Variants in CCDC187 observed in about 807,000 individuals in gnomAD.
The protein encoded by CCDC187 is coiled-coil domain-containing protein 187.
CCDC187 carries 32 observed loss-of-function variants against 38.0 expected under a neutral mutation model. That is an observed-to-expected ratio of 0.84 (90% CI 0.64 to 1.13). The LOEUF is 1.13. Among genes scored for constraint, CCDC187 ranks in the 50% most tolerant of loss-of-function variants. The pLI, the probability that CCDC187 is intolerant of heterozygous loss-of-function variation, is 0.00. For missense variants in CCDC187, 707 were observed against 786.8 expected (o/e 0.90, Z 1.21); for synonymous variants, 333 against 347.9 (o/e 0.96, Z 0.48).
upstream of CCDC187, chr9:136,304,177 C>T (rs1267902552): frequency 6.6e-6 from 1 of 152,302 alleles, no homozygotes; most frequent in Non-Finnish European, 1.5e-5. Flanking sequence ...GACAGAGCCT[C>T]TGGCCTTCAG....
rs539967404 is a variant in CCDC187 at position 136,258,610 on chromosome 9, C to G, written c.4366+322G>C. On this transcript the variant is annotated intron_variant, in intron 22 of 25. Coordinates refer to ENST00000638797, the MANE Select transcript of CCDC187 (RefSeq NM_001378188.1). This position sits in a 1 kb window ranked among gnomAD's most constrained non-coding sequence, Gnocchi z 4.3. ...TAATCGGTGCAGAAACCTCCGTCAG[C>G]TGAAGACGCTCAGGCAGTGCTGGCT... is the stretch of plus-strand genomic sequence containing the variant. The G allele has an allele frequency of 1.7e-4, 133 of 783,742 alleles. 1 individual carries two copies. The Middle Eastern group carries it at 3.3e-3, about 19-fold the overall frequency. 48.5% of individuals were successfully genotyped at this position (783,742 alleles called of 1,614,324 possible).
At position 136,252,465 on chromosome 9, in the gene CCDC187, G is replaced by A. The variant is rs1206425478; in HGVS notation, c.*1129C>T. 12 of 194,676 alleles carry A rather than the reference G, an allele frequency of 6.2e-5. 1 individual carries two copies. The Admixed American group carries it at 6.6e-4, about 11-fold the overall frequency. 12.1% of individuals were successfully genotyped at this position (194,676 alleles called of 1,614,324 possible). A position where few individuals can be genotyped will look rare whatever the true frequency, so the allele number is the denominator to read the frequency against. ...GTCCAGGCAACCGTCCCGCACAGCC[G>A]GCCGCCCACCCGGTCCACCCTGGGA... On this transcript the variant is annotated 3_prime_UTR_variant, in exon 26 of 26. Coordinates refer to ENST00000638797, the MANE Select transcript of CCDC187 (RefSeq NM_001378188.1).
intron 14 of CCDC187, 60 bp from the exon 15 acceptor site, chr9:136,268,185 G>A (rs1275301929): frequency 2.1e-6 from 2 of 961,190 alleles, no homozygotes; most frequent in Non-Finnish European, 2.5e-6. Flanking sequence ...CGTGTCAGGG[G>A]CCATTTCTAC....
At chr9:136,285,933 C>T (rs1291020214) in intron 8 of CCDC187, among the ~76,000 whole-genome samples, 152 bp downstream of exon 8, 1 of 152,234 alleles carries the variant, frequency 6.6e-6, no homozygotes, top group Admixed American at 6.5e-5. Context: ...CCCACGTACA[C>T]TATGCTGCTC....
intron 10 of CCDC187, among the ~76,000 whole-genome samples, chr9:136,278,421 C>T (rs1453661852): frequency 2.0e-4 from 31 of 152,298 alleles, no homozygotes; most frequent in Admixed American, 7.2e-4. Flanking sequence ...GAAAGCGAGC[C>T]GTCCCCGAGC....
Position 136,281,615 on chromosome 9 carries a change from T to C in CCDC187, c.2976A>G (p.Gly992=). 1 of 398,338 alleles carries C rather than the reference T, an allele frequency of 2.5e-6. No individual in the cohort carries two copies. Among genetic ancestry groups the C allele is most frequent in the East Asian group, 3.6e-5 (1 of 28,034 alleles). 24.7% of individuals were successfully genotyped at this position (398,338 alleles called of 1,614,324 possible). A position where few individuals can be genotyped will look rare whatever the true frequency, so the allele number is the denominator to read the frequency against. ...ATLHPIWGSL[G]LEETPSVGGA... is the part of the protein sequence containing the mutation. Reference sequence around the variant, plus strand: ...CTCCGACCGACGGCGTCTCCTCCAGTCCCAGGGAGCCCCAGATAGGGTGCA... The same window carrying C: ...CTCCGACCGACGGCGTCTCCTCCAGCCCCAGGGAGCCCCAGATAGGGTGCA... The change falls in exon 10 of 26, where the codon GGA becomes GGG. Residue 992 remains glycine, a synonymous_variant. Transcript: ENST00000638797.
At chr9:136,300,425 T>C in intron 2 of CCDC187, 107 bp from the exon 3 acceptor site, 2 of 385,690 alleles carry the variant, frequency 5.2e-6, no homozygotes, top group Non-Finnish European at 9.2e-6. Context: ...TATTTATTTA[T>C]TTACTTGAGA....
intron 4 of CCDC187, among the ~76,000 whole-genome samples, chr9:136,292,854 T>C (rs1439081196): frequency 6.6e-6 from 1 of 152,194 alleles, no homozygotes; most frequent in Non-Finnish European, 1.5e-5. Flanking sequence ...GCTCCCCGGC[T>C]GGCAGGGCAG....
chr9:136,289,878 C>T (rs1049315987), intron 7 of CCDC187, 81 bp downstream of exon 7: 3 of 394,306 alleles, frequency 7.6e-6, no homozygotes, highest in East Asian at 7.2e-5. Context: ...GTCACGAGGG[C>T]CCCAGAACGC....
At chr9:136,285,971 C>A in intron 8 of CCDC187, 114 bp downstream of exon 8, 1 of 397,558 alleles carries the variant, frequency 2.5e-6, no homozygotes. Flanking sequence ...GTCCTCCTAG[C>A]CCCCTTTCCA....
In CCDC187 at chr9:136,258,474, C is replaced by G. The variant is rs983201973; in HGVS notation, c.4366+458G>C. ...CAGCCGGCGGCTACCAGACGCACCA[C>G]CAGGGTTCCCTGACACTGTGAGTGC... On this transcript the variant is annotated intron_variant, in intron 22 of 25. Transcript: ENST00000638797. The surrounding 1 kb of genome is among the most constrained non-coding windows in gnomAD (Gnocchi z 4.3). Among the ~76,000 whole-genome samples the G allele has an allele frequency of 6.6e-6, 1 of 152,160 alleles. No homozygotes were observed. Among genetic ancestry groups the G allele is most frequent in the Non-Finnish European group, 1.5e-5 (1 of 68,020 alleles).
intron 7 of CCDC187, among the ~76,000 whole-genome samples, chr9:136,288,135 G>C (rs1371922972): frequency 5.3e-5 from 8 of 152,202 alleles, no homozygotes; most frequent in Admixed American, 3.9e-4. Flanking sequence ...GTGGGGGAGG[G>C]GCTGCCCTTG....
At chr9:136,279,140 C>T (rs906608415) in intron 10 of CCDC187, among the ~76,000 whole-genome samples, 1 of 150,690 alleles carries the variant, frequency 6.6e-6, no homozygotes, top group Admixed American at 6.7e-5. Context: ...AATCTAGAAG[C>T]TTCCATTGGA....
intron 4 of CCDC187, among the ~76,000 whole-genome samples, chr9:136,293,982 A>T (rs1347912256): frequency 2.0e-5 from 3 of 146,918 alleles, no homozygotes; most frequent in East Asian, 4.1e-4. Context: ...ACATGCTCTC[A>T]CACACACACT....
chr9:136,281,300 G>C, intron 10 of CCDC187: 1 of 397,826 alleles, frequency 2.5e-6, no homozygotes, highest in Non-Finnish European at 4.4e-6. Context: ...GGGCATGGCT[G>C]TCATGAAATA....
chr9:136,279,009 C>T (rs1830986161), intron 10 of CCDC187, among the ~76,000 whole-genome samples: 1 of 152,204 alleles, frequency 6.6e-6, no homozygotes, highest in East Asian at 1.9e-4. Context: ...ATGTTTAAGT[C>T]TAGAAGCTTC....
chr9:136,266,790 C>G (rs1830754308), intron 16 of CCDC187: 1 of 152,268 alleles, frequency 6.6e-6, no homozygotes. Context: ...CTCCCCAAAA[C>G]AGAGTATCCG....
Position 136,257,722 on chromosome 9 carries a change from G to GCTGTTT in CCDC187, c.4367-887_4367-882dup, listed in dbSNP as rs1554760488. On this transcript the variant is annotated intron_variant, in intron 22 of 25. Transcript: ENST00000638797. This position sits in a 1 kb window ranked among gnomAD's most constrained non-coding sequence, Gnocchi z 4.5. ...AGGCCACCTGGCTAAGGGAACCAGA[G>GCTGTTT]CTGTTTGTCTAAAGCCCAAGGAGGG... Among the ~76,000 whole-genome samples, 1 of 152,252 alleles carries GCTGTTT rather than the reference G, an allele frequency of 6.6e-6. No homozygotes were observed. Among genetic ancestry groups the GCTGTTT allele is most frequent in the East Asian group, 1.9e-4 (1 of 5,200 alleles).
Position 136,274,214 on chromosome 9 carries a change from G to A in CCDC187, c.3442+444C>T, listed in dbSNP as rs539476267. Among the ~76,000 whole-genome samples, 8 of 152,352 alleles carry A rather than the reference G, an allele frequency of 5.3e-5. No individual in the cohort carries two copies. In the East Asian group the frequency reaches 1.3e-3, roughly 26 times the overall value. Reference sequence around the variant, plus strand: ...AGCCTGGAGGTCATGCCAGCTCAGAGGAGCTGAGACCCTCTGTCCCGGAGC... The same window carrying A: ...AGCCTGGAGGTCATGCCAGCTCAGAAGAGCTGAGACCCTCTGTCCCGGAGC... On this transcript the variant is annotated intron_variant, in intron 14 of 25. Coordinates refer to ENST00000638797, the MANE Select transcript of CCDC187 (RefSeq NM_001378188.1).
Sources: gnomAD v4.1 joint callset for allele counts (sites outside exome capture counted in the v4.1 genomes callset) on GRCh38, gnomAD v4.1.1 for gene constraint, Gnocchi (gnomAD v3.1) non-coding constraint, MANE v1.5 for transcripts, NCBI Gene and HGNC (gene_info 2026-07-23, HGNC 2026-07-21) for gene names.